The following ADGRV1 variants were observed in gnomAD, a reference collection of about 807,000 sequenced individuals.
ADGRV1 encodes G-protein coupled receptor 98.
Under a neutral mutation model 596.2 loss-of-function variants are expected in ADGRV1, and 359 were observed. The observed-to-expected ratio is 0.60, with a 90% CI of 0.55 to 0.66. The LOEUF is 0.66. ADGRV1 is among the 30% of genes least tolerant of loss of function. The pLI, the probability that ADGRV1 is intolerant of heterozygous loss-of-function variation, is 0.00. For synonymous variants in ADGRV1, 2,681 were observed against 2,679.2 expected (o/e 1.00, Z -0.02); for missense variants, 7,274 against 7,575.6 (o/e 0.96, Z 1.48).
intron 81 of ADGRV1, among the ~76,000 whole-genome samples, chr5:90,855,185 T>G (rs1311403318): frequency 6.6e-6 from 1 of 152,132 alleles, no homozygotes; most frequent in Non-Finnish European, 1.5e-5. Flanking sequence ...ATGACATGGT[T>G]TTTCTGCTAA....
chr5:90,925,106 C>T (rs146242243), intron 83 of ADGRV1, among the ~76,000 whole-genome samples: 6,232 of 152,214 alleles, frequency 0.041, 180 homozygotes, highest in Middle Eastern at 0.095. Flanking sequence ...ATTGCCTTGG[C>T]GATGCGGGCT....
At chr5:90,581,687 G>A (rs1758079932) in intron 1 of ADGRV1, among the ~76,000 whole-genome samples, 1 of 152,198 alleles carries the variant, frequency 6.6e-6, no homozygotes, top group South Asian at 2.1e-4. Context: ...TCCCAGTTAG[G>A]CCACACGGGG....
At chr5:91,070,103 A>G (rs1274243224) in intron 85 of ADGRV1, among the ~76,000 whole-genome samples, 3 of 152,168 alleles carry the variant, frequency 2.0e-5, no homozygotes, top group Non-Finnish European at 2.9e-5. Context: ...GGAAACTGAT[A>G]GATGGGAAAG....
intron 85 of ADGRV1, among the ~76,000 whole-genome samples, chr5:91,001,895 T>G (rs914479591): frequency 3.3e-5 from 5 of 152,220 alleles, no homozygotes; most frequent in Non-Finnish European, 5.9e-5. Context: ...TCTCAGTTGT[T>G]GCTAATTCAA....
At chr5:90,982,187 G>A (rs1299534858) in intron 84 of ADGRV1, among the ~76,000 whole-genome samples, 1 of 152,186 alleles carries the variant, frequency 6.6e-6, no homozygotes, top group Non-Finnish European at 1.5e-5. Flanking sequence ...AATATGAGAA[G>A]TATTTAGGTC....
At chr5:90,707,026 G>A (rs1748697687) in intron 38 of ADGRV1, among the ~76,000 whole-genome samples, 1 of 152,006 alleles carries the variant, frequency 6.6e-6, no homozygotes, top group South Asian at 2.1e-4. Context: ...GTTTCAAGGA[G>A]TATTTTGATT....
intron 85 of ADGRV1, among the ~76,000 whole-genome samples, chr5:91,015,426 G>A (rs1019931889): frequency 5.3e-5 from 8 of 152,086 alleles, no homozygotes; most frequent in South Asian, 2.1e-4. Context: ...TTCAGGTCCC[G>A]AATATCTTTG....
intron 86 of ADGRV1, among the ~76,000 whole-genome samples, chr5:91,088,953 T>G (rs964945603): frequency 6.6e-6 from 1 of 152,152 alleles, no homozygotes; most frequent in African/African-American, 2.4e-5. Flanking sequence ...TAGCATTCAA[T>G]CCAGGAATTG....
intron 83 of ADGRV1, among the ~76,000 whole-genome samples, chr5:90,918,800 A>C (rs934254971): frequency 2.6e-5 from 4 of 152,200 alleles, no homozygotes; most frequent in Non-Finnish European, 5.9e-5. Context: ...TGTTACTACA[A>C]CCAAGGCCTC....
chr5:91,120,754 G>C (rs1562245035), intron 87 of ADGRV1, among the ~76,000 whole-genome samples: 1 of 152,190 alleles, frequency 6.6e-6, no homozygotes, highest in Admixed American at 6.5e-5. Flanking sequence ...CAGTACTACA[G>C]ATGCAGGGGA....
intron 34 of ADGRV1, among the ~76,000 whole-genome samples, chr5:90,700,395 T>C (rs1361451520): frequency 1.3e-5 from 2 of 152,202 alleles, no homozygotes; most frequent in Non-Finnish European, 2.9e-5. Flanking sequence ...TAACAATGTA[T>C]TGAATTCTGT....
intron 86 of ADGRV1, among the ~76,000 whole-genome samples, chr5:91,086,399 A>T (rs1789879486): frequency 6.6e-6 from 1 of 150,762 alleles, no homozygotes. Context: ...TTATTCTTTC[A>T]CTCCTTTCTT....
At position 90,643,870 on chromosome 5, in the gene ADGRV1, C is replaced by T. The variant is rs1040854645; in HGVS notation, c.2621C>T (p.Thr874Ile). 1.9e-6 allele frequency: 3 copies of T among 1,611,464 alleles called. No individual in the cohort carries two copies. Among genetic ancestry groups the T allele is most frequent in the Non-Finnish European group, 2.5e-6 (3 of 1,178,588 alleles). ...GERESKLGSATIVNITILKND... is the reference protein window; with the variant it reads ...GERESKLGSAIIVNITILKND... ...CGGGAAAGCAAGTTGGGAAGTGCCA[C>T]CATTGTCAATATAACGATTCTGAAA... The change falls in exon 14 of 90, where the codon ACC becomes ATC. Residue 874 changes from threonine to isoleucine, a missense_variant. Physicochemically the swap from Thr to Ile is moderately conservative, Grantham distance 89. Around this residue, in one of 5 missense-constraint regions of ADGRV1, gnomAD observed 1,715 missense variants for 1,708.8 expected, o/e 1.00. Transcript: ENST00000405460.
chr5:90,810,758 G>T lies in ADGRV1; in HGVS notation c.15498G>T (p.Thr5166=). The part of the protein sequence containing the change: ...ESTTYLSTSK[T]TTILQPTNVV... ...CCACATACCTCAGCACAAGCAAGAC[G>T]ACTACCATTCTGCAGCCAACCAACG... The change falls in exon 74 of 90, where the codon ACG becomes ACT. Residue 5166 remains threonine (T), a synonymous_variant. Coordinates refer to ENST00000405460, the MANE Select transcript of ADGRV1 (RefSeq NM_032119.4). The T allele has an allele frequency of 6.2e-7, 1 of 1,613,848 alleles. No homozygotes were observed.
intron 85 of ADGRV1, among the ~76,000 whole-genome samples, chr5:91,042,385 G>A (rs1196137792): frequency 2.6e-5 from 4 of 152,164 alleles, no homozygotes; most frequent in African/African-American, 9.7e-5. Context: ...CTAGGCCAGA[G>A]TTGTCCCTTG....
At chr5:90,803,992 G>A (rs947486492) in intron 71 of ADGRV1, among the ~76,000 whole-genome samples, 3 of 152,052 alleles carry the variant, frequency 2.0e-5, no homozygotes, top group Non-Finnish European at 4.4e-5. Flanking sequence ...TCAGTGTTTG[G>A]TGTGTGTGTG....
intron 83 of ADGRV1, among the ~76,000 whole-genome samples, chr5:90,903,082 G>C (rs1325046340): frequency 6.6e-6 from 1 of 152,054 alleles, no homozygotes; most frequent in Admixed American, 6.6e-5. Context: ...TTTTCTTTGA[G>C]TATCACCACA....
intron 57 of ADGRV1, among the ~76,000 whole-genome samples, chr5:90,758,408 A>G (rs142969791): frequency 6.6e-6 from 1 of 152,346 alleles, no homozygotes; most frequent in East Asian, 1.9e-4. Flanking sequence ...AAATACATTG[A>G]TTATTCATTG....
At chr5:90,593,589 T>TA (rs1235502890) in intron 1 of ADGRV1, among the ~76,000 whole-genome samples, 1 of 152,112 alleles carries the variant, frequency 6.6e-6, no homozygotes, top group Non-Finnish European at 1.5e-5. Context: ...CCCTAGAACT[T>TA]AAAGTATAAT....
Sources: gnomAD v4.1 joint callset for allele counts (sites outside exome capture counted in the v4.1 genomes callset) on GRCh38, gnomAD v4.1.1 for gene constraint, gnomAD v4.1.1 regional missense constraint, MANE v1.5 for transcripts, NCBI Gene and HGNC (gene_info 2026-07-23, HGNC 2026-07-21) for gene names.